TRIM2: variants seen among roughly 807,000 people sequenced by gnomAD.
TRIM2 encodes the protein tripartite motif-containing protein 2.
TRIM2 carries 20 observed loss-of-function variants against 75.2 expected under a neutral mutation model. The ratio of observed to expected loss-of-function variants is 0.27; its 90% CI spans 0.19 to 0.39. The LOEUF (loss-of-function observed/expected upper bound fraction) is 0.39, where lower values mean the gene tolerates loss of function less well. Among genes scored for constraint, TRIM2 ranks in the 10% least tolerant of loss-of-function variants. The pLI, the probability that TRIM2 is intolerant of heterozygous loss-of-function variation, is 1.00. For missense variants in TRIM2, 660 were observed against 990.8 expected (o/e 0.67, Z 4.48); for synonymous variants, 373 against 388.3 (o/e 0.96, Z 0.46).
At chr4:153,175,899 C>T (rs563160179) in intron 1 of TRIM2, among the ~76,000 whole-genome samples, 3 of 152,012 alleles carry the variant, frequency 2.0e-5, no homozygotes, top group East Asian at 3.9e-4. Flanking sequence ...GTAAAGGGGC[C>T]GCCGAGTGCT....
intron 3 of TRIM2, 48 bp from the exon 4 acceptor site, chr4:153,292,934 C>T: frequency 6.6e-7 from 1 of 1,522,864 alleles, no homozygotes; most frequent in Non-Finnish European, 8.9e-7. Context: ...TAGAGTAAGC[C>T]CTCAACCCAT....
intron 1 of TRIM2, among the ~76,000 whole-genome samples, chr4:153,226,064 G>A (rs1742041994): frequency 1.3e-5 from 2 of 152,060 alleles, no homozygotes; most frequent in Non-Finnish European, 2.9e-5. Context: ...AGAGACAGTG[G>A]CTCACTGTGT....
chr4:153,333,166 A>G (rs902062259), intron 11 of TRIM2, among the ~76,000 whole-genome samples: 1 of 152,230 alleles, frequency 6.6e-6, no homozygotes, highest in Non-Finnish European at 1.5e-5. Flanking sequence ...GATACACTCA[A>G]CAACTCTGAT....
intron 1 of TRIM2, among the ~76,000 whole-genome samples, chr4:153,197,517 A>C (rs147838962): frequency 8.5e-5 from 13 of 152,250 alleles, no homozygotes; most frequent in African/African-American, 2.9e-4. Flanking sequence ...TGATGGTCTT[A>C]GGAGGTGGGG....
At chr4:153,171,640 GA>G (rs60324157) in intron 1 of TRIM2, among the ~76,000 whole-genome samples, 70,846 of 151,356 alleles carry the variant, frequency 0.47, 16,726 homozygotes, top group African/African-American at 0.53. Flanking sequence ...TTGGTTAATG[GA>G]AAAAAAAGAT....
chr4:153,268,767 C>T (rs776397051), intron 1 of TRIM2, among the ~76,000 whole-genome samples: 1 of 152,218 alleles, frequency 6.6e-6, no homozygotes, highest in Non-Finnish European at 1.5e-5. Context: ...GCTGTCTTCT[C>T]TTTCTGTGTT....
chr4:153,175,949 C>A (rs549037035), intron 1 of TRIM2, among the ~76,000 whole-genome samples: 1 of 151,712 alleles, frequency 6.6e-6, no homozygotes, highest in Admixed American at 6.6e-5. Flanking sequence ...GAGGCTGAGG[C>A]GAGAGAATCA....
intron 1 of TRIM2, among the ~76,000 whole-genome samples, chr4:153,186,774 A>G (rs1357407303): frequency 6.6e-6 from 1 of 152,180 alleles, no homozygotes; most frequent in Non-Finnish European, 1.5e-5. Context: ...TTCATATCAA[A>G]AAAAGCCTGC....
chr4:153,244,143 TG>T (rs1648294545), intron 1 of TRIM2, among the ~76,000 whole-genome samples: 1 of 137,538 alleles, frequency 7.3e-6, no homozygotes, highest in African/African-American at 2.7e-5. Flanking sequence ...TTCTTCTTCT[TG>T]TTCTTCTTGT....
chr4:153,298,122 C>CA (rs1161699625), intron 6 of TRIM2, among the ~76,000 whole-genome samples: 1 of 152,116 alleles, frequency 6.6e-6, no homozygotes, highest in African/African-American at 2.4e-5. Flanking sequence ...GAAATGCAGC[C>CA]ATAGTGATGT....
Position 153,338,077 on chromosome 4 carries a change from T to C in TRIM2, c.*3111T>C, listed in dbSNP as rs1772658243. The C allele has an allele frequency of 1.0e-6, 1 of 985,696 alleles. No homozygotes were observed. The highest frequency in any genetic ancestry group is 1.1e-4 in the East Asian group (1 of 8,826). The allele number at this position is 985,696 out of a possible 1,614,324, so 61.1% of individuals were successfully genotyped here. A position where few individuals can be genotyped will look rare whatever the true frequency, so the allele number is the denominator to read the frequency against. On this transcript the variant is annotated 3_prime_UTR_variant, in exon 12 of 12. Transcript: ENST00000338700. ...TAAGTTTCCTTATTTTAATTTACTG[T>C]GACTAGATTTGAAGCAAATAAATAC...
rs1191680244 is a variant in TRIM2, at chr4:153,322,522, A to T, written c.1783-126A>T. On this transcript the variant is annotated intron_variant, in intron 8 of 11. Coordinates refer to ENST00000338700, the MANE Select transcript of TRIM2 (RefSeq NM_015271.5). ...AGACAGAAGTTCATTGTGATATATG[A>T]GTAGCTGTGTACCCGTTTGAACCTT... 5 of 970,430 alleles carry T rather than the reference A, an allele frequency of 5.2e-6. No individual in the cohort carries two copies. In the African/African-American group the frequency reaches 6.6e-5, roughly 13 times the overall value. The allele number at this position is 970,430 out of a possible 1,614,324, so 60.1% of individuals were successfully genotyped here. A position where few individuals can be genotyped will look rare whatever the true frequency, so the allele number is the denominator to read the frequency against.
At chr4:153,215,276 C>T (rs572869117) in intron 1 of TRIM2, among the ~76,000 whole-genome samples, 3 of 152,224 alleles carry the variant, frequency 2.0e-5, no homozygotes, top group Non-Finnish European at 4.4e-5. Context: ...TCCTCCTCTC[C>T]TCCACATAGG....
intron 1 of TRIM2, among the ~76,000 whole-genome samples, chr4:153,195,661 G>A (rs1005168273): frequency 2.6e-5 from 4 of 152,150 alleles, no homozygotes; most frequent in African/African-American, 7.2e-5. Flanking sequence ...AGGAAATCAG[G>A]CCACTAGGTA....
intron 11 of TRIM2, among the ~76,000 whole-genome samples, chr4:153,330,960 G>T (rs957139885): frequency 2.0e-5 from 3 of 152,140 alleles, no homozygotes; most frequent in African/African-American, 7.2e-5. Flanking sequence ...AAATCCCAAA[G>T]AATCTATAAA....
chr4:153,229,456 C>T (rs1743030987), intron 1 of TRIM2, among the ~76,000 whole-genome samples: 1 of 152,140 alleles, frequency 6.6e-6, no homozygotes, highest in Admixed American at 6.5e-5. Context: ...CAGGGTTTTG[C>T]CGTGTTGCCC....
intron 3 of TRIM2, among the ~76,000 whole-genome samples, chr4:153,276,906 G>A (rs1052245886): frequency 8.5e-5 from 13 of 152,196 alleles, no homozygotes; most frequent in African/African-American, 2.9e-4. Context: ...AAATGTTCAA[G>A]TCATGTAAAT....
chr4:153,228,822 C>T (rs1742855196), intron 1 of TRIM2, among the ~76,000 whole-genome samples: 2 of 152,260 alleles, frequency 1.3e-5, no homozygotes, highest in African/African-American at 4.8e-5. Context: ...AGTCTTTTTG[C>T]TGTTTTTCCC....
rs932659370 is a variant in TRIM2, at chr4:153,295,257, C to G, written c.787-56C>G. On this transcript the variant is annotated intron_variant, in intron 5 of 11. Transcript: ENST00000338700. The surrounding 1 kb of genome is among the most constrained non-coding windows in gnomAD (Gnocchi z 7.2). ...CTTCTCGCCGGTGGAGGGCACTGCC[C>G]CGGGCTAGGCCCCGCCCTGTGGGAC... 10 of 1,487,050 alleles carry G rather than the reference C, an allele frequency of 6.7e-6. No homozygotes were observed. The highest frequency in any genetic ancestry group is 8.9e-6 in the Non-Finnish European group (10 of 1,118,340). The allele number at this position is 1,487,050 out of a possible 1,614,324, so 92.1% of individuals were successfully genotyped here.
Sources: gnomAD v4.1 joint callset for allele counts (sites outside exome capture counted in the v4.1 genomes callset) on GRCh38, gnomAD v4.1.1 for gene constraint, Gnocchi (gnomAD v3.1) non-coding constraint, MANE v1.5 for transcripts, NCBI Gene and HGNC (gene_info 2026-07-23, HGNC 2026-07-21) for gene names.